Variants in RFC3 observed in about 807,000 individuals in gnomAD.
The protein encoded by RFC3 is A1 38 kDa subunit.
A neutral mutation model predicts 45.1 loss-of-function variants in RFC3; 41 were observed. That is an observed-to-expected ratio of 0.91 (90% CI 0.71 to 1.18). The LOEUF is 1.18. Ranked by LOEUF, RFC3 falls within the 50% of genes most tolerant of loss-of-function variation. The pLI, the probability that RFC3 is intolerant of heterozygous loss-of-function variation, is 0.00. For missense variants in RFC3, 423 were observed against 428.1 expected (o/e 0.99, Z 0.10); for synonymous variants, 149 against 144.0 (o/e 1.03, Z -0.25).
chr13:33,823,742 T>A (rs1472077315), intron 2 of RFC3, among the ~76,000 whole-genome samples, 175 bp from the exon 3 acceptor site: 1 of 152,030 alleles, frequency 6.6e-6, no homozygotes, highest in Non-Finnish European at 1.5e-5. Flanking sequence ...CCAATTTATA[T>A]AAAAACATGT....
intron 2 of RFC3, 73 bp from the exon 3 acceptor site, chr13:33,823,844 C>G: frequency 1.3e-6 from 1 of 747,130 alleles, no homozygotes; most frequent in African/African-American, 1.8e-5. Flanking sequence ...AAAAGGAAAA[C>G]CAATGAAAAT....
intron 8 of RFC3, among the ~76,000 whole-genome samples, chr13:33,899,422 G>T (rs2082625047): frequency 6.6e-6 from 1 of 151,228 alleles, no homozygotes; most frequent in East Asian, 1.9e-4. Flanking sequence ...AACAGACAAA[G>T]ATTTAAAAAA....
At chr13:33,882,095 C>A (rs2082488598) in intron 8 of RFC3, among the ~76,000 whole-genome samples, 1 of 152,144 alleles carries the variant, frequency 6.6e-6, no homozygotes, top group Non-Finnish European at 1.5e-5. Flanking sequence ...TTTTAGACTA[C>A]CAAAAAGTTA....
chr13:33,933,943 G>T (rs2082869727), intron 8 of RFC3, among the ~76,000 whole-genome samples: 1 of 151,840 alleles, frequency 6.6e-6, no homozygotes, highest in Admixed American at 6.6e-5. Flanking sequence ...AATGGTATGG[G>T]GGAGGGCGAG....
At chr13:33,908,014 T>C (rs1380061117) in intron 8 of RFC3, among the ~76,000 whole-genome samples, 1 of 151,988 alleles carries the variant, frequency 6.6e-6, no homozygotes, top group Non-Finnish European at 1.5e-5. Context: ...AAGTCTTCAA[T>C]GTGTTCGTAA....
downstream of RFC3, among the ~76,000 whole-genome samples, chr13:33,971,151 G>A (rs1044490578): frequency 2.8e-4 from 42 of 152,196 alleles, no homozygotes; most frequent in Admixed American, 9.8e-4. Flanking sequence ...TATATTTTAA[G>A]AAAACAGAAG....
chr13:33,894,086 A>C (rs955189059), intron 8 of RFC3, among the ~76,000 whole-genome samples: 2 of 152,184 alleles, frequency 1.3e-5, no homozygotes, highest in Non-Finnish European at 2.9e-5. Context: ...CACACTGTGA[A>C]CTTTTTCCAA....
intron 8 of RFC3, among the ~76,000 whole-genome samples, chr13:33,902,788 A>C (rs2082649729): frequency 6.6e-6 from 1 of 151,988 alleles, no homozygotes; most frequent in African/African-American, 2.4e-5. Flanking sequence ...GTTTTAAAAG[A>C]GGTAAATTAG....
chr13:33,924,661 GTATATA>G (rs747932039), intron 8 of RFC3, among the ~76,000 whole-genome samples: 7 of 146,420 alleles, frequency 4.8e-5, no homozygotes, highest in African/African-American at 1.8e-4. Context: ...CAATGTGTGT[GTATATA>G]TATATATTAT....
Position 33,836,918 on chromosome 13 carries a change from G to T in RFC3, c.*623G>T. On this transcript the variant is annotated 3_prime_UTR_variant, in exon 9 of 9. Transcript: ENST00000380071. ...AATTTAAGTACTTGAGACTCTTGAA[G>T]AAAATTCAGAATGAAGTTCTGGAGA... 1 of 984,978 alleles carries T rather than the reference G, an allele frequency of 1.0e-6. No individual in the cohort carries two copies. Among genetic ancestry groups the T allele is most frequent in the Non-Finnish European group, 1.2e-6 (1 of 829,608 alleles). 61.0% of individuals were successfully genotyped at this position (984,978 alleles called of 1,614,324 possible).
chr13:33,823,251 T>C (rs533662426), intron 2 of RFC3, among the ~76,000 whole-genome samples: 2 of 152,244 alleles, frequency 1.3e-5, no homozygotes, highest in African/African-American at 4.8e-5. Flanking sequence ...ACACATGTAT[T>C]ATATTAAAGT....
In RFC3 at chr13:33,925,954, A is replaced by G. The variant is rs965389382; in HGVS notation, c.880-40133A>G. ...GGAATACACAAATGATAGAATTGCA[A>G]TTTGGGATGTCCAACAATGATAGAC... On this transcript the variant is annotated intron_variant, in intron 8 of 8. Transcript: ENST00000434425. Among the ~76,000 whole-genome samples, 11 of 152,080 alleles carry G rather than the reference A, an allele frequency of 7.2e-5. No homozygotes were observed. In the East Asian group the frequency reaches 1.4e-3, roughly 19 times the overall value.
chr13:33,825,698 T>C, intron 3 of RFC3, 91 bp from the exon 4 acceptor site: 1 of 587,794 alleles, frequency 1.7e-6, no homozygotes, highest in Non-Finnish European at 2.7e-6. Context: ...TTAATTTTGA[T>C]TAAAATTTTG....
At chr13:33,863,145 G>A (rs1471420608) in intron 8 of RFC3, among the ~76,000 whole-genome samples, 7 of 152,150 alleles carry the variant, frequency 4.6e-5, no homozygotes, top group Non-Finnish European at 1.5e-5. Context: ...GTCATAAAGT[G>A]CCTTTAACTG....
At chr13:33,921,771 T>G (rs1215184624) in intron 8 of RFC3, among the ~76,000 whole-genome samples, 1 of 152,110 alleles carries the variant, frequency 6.6e-6, no homozygotes, top group Non-Finnish European at 1.5e-5. Context: ...TATCTCTTCC[T>G]CCAGACTTCA....
chr13:33,907,426 G>A (rs1402778833), intron 8 of RFC3, among the ~76,000 whole-genome samples: 2 of 151,830 alleles, frequency 1.3e-5, no homozygotes. Context: ...ATCTTCCCAA[G>A]ACAAATAAAA....
the RFC3 span, among the ~76,000 whole-genome samples, chr13:33,975,085 G>A: frequency 5.9e-5 from 9 of 152,174 alleles, no homozygotes; most frequent in Middle Eastern, 3.4e-3. Context: ...TAAAAACCTC[G>A]TATAAATGAT....
At chr13:33,835,379 G>C (rs2139425574) in intron 8 of RFC3, 162 bp downstream of exon 8, 3 of 742,708 alleles carry the variant, frequency 4.0e-6, no homozygotes, top group Non-Finnish European at 7.4e-6. Flanking sequence ...CACTATTAGA[G>C]GAATGCTGAA....
chr13:33,956,054 C>T (rs910987795), intron 8 of RFC3, among the ~76,000 whole-genome samples: 2 of 152,138 alleles, frequency 1.3e-5, no homozygotes, highest in Admixed American at 1.3e-4. Flanking sequence ...ACTATTTCTC[C>T]TCTTCTTTAA....
Sources: allele counts gnomAD v4.1 joint callset (sites outside exome capture counted in the v4.1 genomes callset), GRCh38; gene constraint gnomAD v4.1.1; transcripts MANE v1.5; gene names NCBI Gene and HGNC (gene_info 2026-07-23, HGNC 2026-07-21).